The following KMT2E variants were observed in gnomAD, a reference collection of about 807,000 sequenced individuals.
KMT2E encodes lysine methyltransferase 2E (inactive).
A neutral mutation model predicts 184.6 loss-of-function variants in KMT2E; 30 were observed. The observed-to-expected ratio is 0.16, with a 90% CI of 0.12 to 0.22. KMT2E has a LOEUF of 0.22. Among genes scored for constraint, KMT2E ranks in the 10% least tolerant of loss-of-function variants. KMT2E has a pLI of 1.00. For missense variants in KMT2E, 2,023 were observed against 2,237.4 expected, an observed-to-expected ratio of 0.90 and a Z score of 1.93; for synonymous variants, 815 against 776.5, an observed-to-expected ratio of 1.05 and a Z score of -0.82.
intron 15 of KMT2E, among the ~76,000 whole-genome samples, chr7:105,093,617 G>T (rs914156729): frequency 3.3e-5 from 5 of 152,112 alleles, no homozygotes; most frequent in Admixed American, 6.6e-5. Flanking sequence ...CTGGGAGGCG[G>T]AGGTTGCAGT....
At chr7:105,107,975 T>TC (rs1554401052) in intron 22 of KMT2E, 50 bp downstream of exon 22, 7 of 1,158,598 alleles carry the variant, frequency 6.0e-6, no homozygotes, top group African/African-American at 4.7e-5. Flanking sequence ...TTTTTTTTTT[T>TC]CATAATACTA....
At chr7:105,030,246 G>T (rs375230116) in intron 1 of KMT2E, among the ~76,000 whole-genome samples, 3 of 152,196 alleles carry the variant, frequency 2.0e-5, no homozygotes, top group African/African-American at 7.2e-5. Context: ...TTATTTACAG[G>T]TGAGGAAACA....
chr7:105,062,381 T>G (rs926713885), intron 4 of KMT2E, 103 bp downstream of exon 4: 10 of 630,920 alleles, frequency 1.6e-5, no homozygotes, highest in Non-Finnish European at 2.7e-5. Flanking sequence ...AAAGCATGGT[T>G]GTTTCATACT....
chr7:105,024,794 CTT>C, intron 1 of KMT2E, among the ~76,000 whole-genome samples: 1 of 152,210 alleles, frequency 6.6e-6, no homozygotes, highest in Middle Eastern at 3.4e-3. Context: ...CTGGACATTT[CTT>C]TTTAAAAGGC....
intron 3 of KMT2E, 98 bp downstream of exon 3, chr7:105,041,121 T>G (rs1327473007): frequency 1.5e-6 from 1 of 672,488 alleles, no homozygotes; most frequent in Non-Finnish European, 2.4e-6. Context: ...TTAAATTTCT[T>G]CTTTCCTAGC....
At chr7:105,067,115 CTG>C (rs1797063277) in intron 6 of KMT2E, among the ~76,000 whole-genome samples, 1 of 148,448 alleles carries the variant, frequency 6.7e-6, no homozygotes, top group African/African-American at 2.5e-5. Flanking sequence ...TAATGGATCA[CTG>C]TGTTTCATCG....
rs768399838 is a variant in KMT2E, at chr7:105,112,739, G to T, written c.4983G>T (p.Ala1661=). The part of the protein sequence containing the change: ...SVAHVVGPVH[A]VTPGSHIHSQ... ...CACATGTAGTAGGGCCTGTTCATGC[G>T]GTCACCCCTGGGTCGCATATTCATT... Residue 1661 remains alanine, a synonymous_variant, in exon 27 of 27, where the codon GCG becomes GCT. Transcript: ENST00000311117. 2 of 1,613,248 alleles carry T rather than the reference G, an allele frequency of 1.2e-6. No homozygotes were observed. Among genetic ancestry groups the T allele is most frequent in the East Asian group, 2.2e-5 (1 of 44,794 alleles).
chr7:105,106,117 G>A (rs117548510), intron 19 of KMT2E, 114 bp downstream of exon 19: 1 of 1,073,692 alleles, frequency 9.3e-7, no homozygotes, highest in Non-Finnish European at 1.3e-6. Context: ...AAGCACATTG[G>A]TGTATAGATT....
At position 105,105,505 on chromosome 7, in the gene KMT2E, G is replaced by A. The variant is rs1224250722; in HGVS notation, c.2263G>A (p.Glu755Lys). The A allele has an allele frequency of 2.5e-6, 4 of 1,612,400 alleles. No individual in the cohort carries two copies. The highest frequency in any genetic ancestry group is 3.4e-6 in the Non-Finnish European group (4 of 1,179,522). The change falls in exon 18 of 27, where the codon GAA becomes AAA. Residue 755 changes from glutamate to lysine, a missense_variant. Physicochemically the swap from Glu to Lys is moderately conservative, Grantham distance 56. Coordinates refer to ENST00000311117, the MANE Select transcript of KMT2E (RefSeq NM_182931.3). ...KTGKPSDGLSERPLRITTDPE... is the reference protein window; with the variant it reads ...KTGKPSDGLSKRPLRITTDPE... ...AGGAAAACCTTCAGATGGCCTTTCAGAAAGGCCTCTACGCATAACTACAGA... is the reference window on the plus strand; with the variant it reads ...AGGAAAACCTTCAGATGGCCTTTCAAAAAGGCCTCTACGCATAACTACAGA...
At chr7:105,037,392 T>C (rs1178450974) in intron 1 of KMT2E, among the ~76,000 whole-genome samples, 1 of 152,186 alleles carries the variant, frequency 6.6e-6, no homozygotes, top group South Asian at 2.1e-4. Context: ...AGACAGGGTC[T>C]CCCTCTGTCA....
At position 105,077,143 on chromosome 7, in the gene KMT2E, A is replaced by T; in HGVS notation, c.949A>T (p.Asn317Tyr). The stretch of plus-strand genomic sequence containing the variant: ...CAATGGAAATGACAAAAAAGAGATG[A>T]ATAAATCCGATTTGAATACCAACAA... ...LGNGNDKKEM[N>Y]KSDLNTNNLL... The change falls in exon 10 of 27, where the codon AAT becomes TAT. Residue 317 changes from asparagine (N) to tyrosine (Y), a missense_variant. By Grantham distance (143) the Asn-to-Tyr change is moderately radical. Transcript: ENST00000311117. 1 of 1,614,064 alleles carries T rather than the reference A, an allele frequency of 6.2e-7. No individual in the cohort carries two copies. Among genetic ancestry groups the T allele is most frequent in the South Asian group, 1.1e-5 (1 of 91,074 alleles).
At chr7:105,028,264 G>T (rs1480579467) in intron 1 of KMT2E, among the ~76,000 whole-genome samples, 3 of 151,462 alleles carry the variant, frequency 2.0e-5, no homozygotes, top group Non-Finnish European at 2.9e-5. Context: ...CGCCTCCTGT[G>T]TTCAAGCCAT....
chr7:105,093,990 T>C (rs1323674027), intron 15 of KMT2E, among the ~76,000 whole-genome samples: 2 of 152,202 alleles, frequency 1.3e-5, no homozygotes, highest in Non-Finnish European at 2.9e-5. Context: ...AATCCTTGGC[T>C]GCTGACCCAT....
intron 3 of KMT2E, among the ~76,000 whole-genome samples, chr7:105,054,125 T>TA (rs1274990133): frequency 6.7e-6 from 1 of 149,184 alleles, no homozygotes; most frequent in Non-Finnish European, 1.5e-5. Context: ...TGAGCTGAGA[T>TA]ACATCACTGC....
At chr7:105,102,292 TAAG>T (rs1443545994) in intron 17 of KMT2E, 98 bp downstream of exon 17, 1 of 959,764 alleles carries the variant, frequency 1.0e-6, no homozygotes, top group South Asian at 1.9e-5. Flanking sequence ...CTCATAATAA[TAAG>T]AGGCAGTTTT....
Position 105,110,603 on chromosome 7 carries a change from G to T in KMT2E, c.3970+1G>T. On this transcript the variant is annotated splice_donor_variant, in intron 25 of 26. Coordinates refer to ENST00000311117, the MANE Select transcript of KMT2E (RefSeq NM_182931.3). LOFTEE classifies it high-confidence loss of function. ...CCTTCTTTCAGTGAACTTATGGAAG[G>T]TCAGTAAGCAGATGACCGATAATGT... 1 of 1,614,092 alleles carries T rather than the reference G, an allele frequency of 6.2e-7. No homozygotes were observed.
chr7:105,036,933 A>G (rs1795684749), intron 1 of KMT2E, among the ~76,000 whole-genome samples: 1 of 152,162 alleles, frequency 6.6e-6, no homozygotes. Flanking sequence ...GACTTGCCCA[A>G]GCATTCGTAG....
intron 13 of KMT2E, among the ~76,000 whole-genome samples, chr7:105,087,039 A>G (rs1216625900): frequency 6.8e-6 from 1 of 147,264 alleles, no homozygotes; most frequent in African/African-American, 2.5e-5. Context: ...AATATATGGC[A>G]TGTATAATAT....
Position 105,076,074 on chromosome 7 carries a change from G to T in KMT2E, c.761G>T (p.Arg254Ile). The T allele has an allele frequency of 6.3e-7, 1 of 1,597,618 alleles. No individual in the cohort carries two copies. Among genetic ancestry groups the T allele is most frequent in the Non-Finnish European group, 8.6e-7 (1 of 1,165,726 alleles). Residue 254 changes from arginine (R) to isoleucine (I), a missense_variant, in exon 9 of 27, where the codon AGA becomes ATA. This residue lies in a region of KMT2E where 191 missense variants were observed against 209.0 expected (regional missense o/e 0.91). Coordinates refer to ENST00000311117, the MANE Select transcript of KMT2E (RefSeq NM_182931.3). The part of the protein sequence containing the change: ...AFREGSRKSS[R>I]VKGSAPEIDP... Reference sequence around the variant, plus strand: ...CGTGAAGGATCTAGGAAGTCATCAAGAGTTAAGGTAAATACATTAATTTTA... The same window carrying T: ...CGTGAAGGATCTAGGAAGTCATCAATAGTTAAGGTAAATACATTAATTTTA...
Sources: allele counts gnomAD v4.1 joint callset (sites outside exome capture counted in the v4.1 genomes callset), GRCh38; gene constraint gnomAD v4.1.1; regional missense constraint gnomAD v4.1.1; transcripts MANE v1.5; gene names NCBI Gene and HGNC (gene_info 2026-07-23, HGNC 2026-07-21).